Variants in NUP93 observed in about 807,000 individuals in gnomAD.
The protein encoded by NUP93 is nucleoporin 93.
Under a neutral mutation model 107.8 loss-of-function variants are expected in NUP93, and 55 were observed. The ratio of observed to expected loss-of-function variants is 0.51; its 90% confidence interval spans 0.41 to 0.64. The LOEUF is 0.64. NUP93 is among the 30% of genes least tolerant of loss of function. NUP93 has a pLI of 0.00. For missense variants in NUP93, 937 were observed against 1,044.7 expected (o/e 0.90, Z 1.42); for synonymous variants, 390 against 397.5 (o/e 0.98, Z 0.22).
chr16:56,769,431 T>G (rs770128389), intron 3 of NUP93, among the ~76,000 whole-genome samples: 47 of 152,160 alleles, frequency 3.1e-4, no homozygotes, highest in Non-Finnish European at 5.0e-4. Context: ...TGGGAGGTGG[T>G]GGTTGAGGGG....
At chr16:56,812,894 C>G (rs1274936946) in intron 5 of NUP93, among the ~76,000 whole-genome samples, 1 of 152,162 alleles carries the variant, frequency 6.6e-6, no homozygotes, top group East Asian at 1.9e-4. Context: ...AAGAACTTCC[C>G]TATTGAGGCT....
At position 56,818,658 on chromosome 16, in the gene NUP93, C is replaced by T. The variant is rs2144604223; in HGVS notation, c.490-6C>T. On this transcript the variant is annotated splice_region_variant and splice_polypyrimidine_tract_variant and intron_variant, in intron 5 of 21. Transcript: ENST00000308159. ...TAACTGATTCTGAATGTGTATTTAT[C>T]CACAGCCAAGCTACATCAGTGATGT... is the stretch of plus-strand genomic sequence containing the variant. 1.2e-6 allele frequency: 2 copies of T among 1,612,570 alleles called. No homozygotes were observed. The highest frequency in any genetic ancestry group is 8.5e-7 in the Non-Finnish European group (1 of 1,178,724).
chr16:56,744,990 A>G (rs1243580351), intron 1 of NUP93, among the ~76,000 whole-genome samples: 10 of 152,198 alleles, frequency 6.6e-5, no homozygotes, highest in African/African-American at 2.2e-4. Context: ...AGTACCTGCT[A>G]TGTGCCAGGC....
rs1273133214 is a variant in NUP93, at chr16:56,808,187, G to T, written c.489+2555G>T. Among the ~76,000 whole-genome samples the T allele has an allele frequency of 3.4e-5, 4 of 116,896 alleles. 1 individual carries two copies. Among genetic ancestry groups the T allele is most frequent in the Non-Finnish European group, 6.8e-5 (4 of 58,942 alleles). The allele number at this position is 116,896 out of a possible 152,430, so 76.7% of individuals were successfully genotyped here. On this transcript the variant is annotated intron_variant, in intron 5 of 21. Transcript: ENST00000308159. ...GTTATATAACTATATAAAATATATA[G>T]TTATATAACTATATAAAATATATAG...
intron 5 of NUP93, among the ~76,000 whole-genome samples, chr16:56,805,869 G>A (rs1963126880): frequency 6.6e-6 from 1 of 151,898 alleles, no homozygotes; most frequent in African/African-American, 2.4e-5. Flanking sequence ...AGGTTTGAGT[G>A]TCCCAGGGCT....
Position 56,831,209 on chromosome 16 carries a change from C to T in NUP93, c.1085+524C>T, listed in dbSNP as rs192584785. Among the ~76,000 whole-genome samples the T allele has an allele frequency of 1.2e-3, 186 of 152,240 alleles. 1 individual carries two copies. Among genetic ancestry groups the T allele is most frequent in the Non-Finnish European group, 2.3e-3 (156 of 68,026 alleles). ...AAGCATTAATTTTCCTTGGATTTTG[C>T]TAATGTAATTGGACTTAAGCTCATA... is the stretch of plus-strand genomic sequence containing the variant. On this transcript the variant is annotated intron_variant, in intron 10 of 21. Transcript: ENST00000308159.
intron 8 of NUP93, among the ~76,000 whole-genome samples, chr16:56,824,858 G>A (rs947629100): frequency 7.2e-5 from 11 of 152,098 alleles, no homozygotes; most frequent in Non-Finnish European, 1.2e-4. Flanking sequence ...AAAATCTGGA[G>A]CTCAAAATGG....
intron 11 of NUP93, 106 bp from the exon 12 acceptor site, chr16:56,832,189 G>C: frequency 1.6e-6 from 2 of 1,253,212 alleles, no homozygotes; most frequent in Admixed American, 1.8e-5. Flanking sequence ...CTTAAACACA[G>C]CTTCTAGCTG....
At chr16:56,772,194 A>G (rs1212718962) in intron 3 of NUP93, among the ~76,000 whole-genome samples, 1 of 152,174 alleles carries the variant, frequency 6.6e-6, no homozygotes, top group African/African-American at 2.4e-5. Flanking sequence ...TGAGGGCAGA[A>G]AAAGGATAAA....
At chr16:56,837,004 G>A (rs16962710) in intron 17 of NUP93, among the ~76,000 whole-genome samples, 1 of 152,228 alleles carries the variant, frequency 6.6e-6, no homozygotes, top group South Asian at 2.1e-4. Flanking sequence ...CATTTCGATG[G>A]TGAAGCCACT....
chr16:56,844,848 G>A lies in NUP93; in HGVS notation c.*239G>A, dbSNP rs1368152357. Reference sequence around the variant, plus strand: ...TTTTATTTGTGTAATGGGAAATACCGTCACTAGCTCTTGGGCCAGGGAATG... The same window carrying A: ...TTTTATTTGTGTAATGGGAAATACCATCACTAGCTCTTGGGCCAGGGAATG... On this transcript the variant is annotated 3_prime_UTR_variant, in exon 22 of 22. Coordinates refer to ENST00000308159, the MANE Select transcript of NUP93 (RefSeq NM_014669.5). 5.0e-6 allele frequency: 2 copies of A among 401,306 alleles called. No homozygotes were observed. Among genetic ancestry groups the A allele is most frequent in the Middle Eastern group, 6.2e-4 (1 of 1,620 alleles). 24.9% of individuals were successfully genotyped at this position (401,306 alleles called of 1,614,324 possible).
At chr16:56,747,774 A>G (rs2144455437) in intron 1 of NUP93, 1 of 152,966 alleles carries the variant, frequency 6.5e-6, no homozygotes, top group Admixed American at 6.5e-5. Flanking sequence ...CAGAGTGGTT[A>G]TGAGGGTCAT....
intron 15 of NUP93, 70 bp downstream of exon 15, chr16:56,834,512 C>A: frequency 6.7e-7 from 1 of 1,489,446 alleles, no homozygotes. Context: ...TTCCGTATTG[C>A]GTGTTTACTT....
At chr16:56,760,714 C>T (rs370895711) in intron 3 of NUP93, among the ~76,000 whole-genome samples, 1 of 152,142 alleles carries the variant, frequency 6.6e-6, no homozygotes, top group Non-Finnish European at 1.5e-5. Context: ...GCCCCACCCC[C>T]AACACTGGGG....
chr16:56,823,512 G>A (rs1464711045), intron 7 of NUP93, among the ~76,000 whole-genome samples, 195 bp from the exon 8 acceptor site: 1 of 152,104 alleles, frequency 6.6e-6, no homozygotes, highest in Non-Finnish European at 1.5e-5. Context: ...GGTGCTCATC[G>A]GTGGATGGAA....
chr16:56,746,486 C>T (rs552474053), intron 1 of NUP93, among the ~76,000 whole-genome samples: 10 of 152,274 alleles, frequency 6.6e-5, no homozygotes, highest in South Asian at 2.1e-4. Context: ...TTATTGTGTA[C>T]GTGAATTTTT....
intron 3 of NUP93, among the ~76,000 whole-genome samples, chr16:56,765,113 C>T (rs1400009667): frequency 6.6e-6 from 1 of 152,168 alleles, no homozygotes; most frequent in Non-Finnish European, 1.5e-5. Flanking sequence ...TGAGTAGGCT[C>T]TTCTGCACAA....
rs199678770 is a variant in NUP93, at chr16:56,836,715, A to C, written c.1897A>C (p.Lys633Gln). Residue 633 changes from lysine (K) to glutamine (Q), a missense_variant and splice_region_variant, in exon 17 of 22, where the codon AAG becomes CAG. Physicochemically the swap from Lys to Gln is moderately conservative, Grantham distance 53. Coordinates refer to ENST00000308159, the MANE Select transcript of NUP93 (RefSeq NM_014669.5). ...GGCAGCAAAGCTGTATGACCTTGCC[A>C]AGGTAAAGTGTGCCCACTTCCTTCT... The part of the protein sequence containing the change: ...EEAAKLYDLA[K>Q]NADKVLELMN... 5.2e-4 allele frequency: 830 copies of C among 1,603,874 alleles called. 17 individuals carry two copies. In the East Asian group the frequency reaches 0.017, roughly 34 times the overall value.
chr16:56,816,512 A>G (rs1225889101), intron 5 of NUP93, among the ~76,000 whole-genome samples: 1 of 152,202 alleles, frequency 6.6e-6, no homozygotes, highest in African/African-American at 2.4e-5. Flanking sequence ...TAGGTTCACA[A>G]GATGGCTGCA....
Sources: allele counts gnomAD v4.1 joint callset (sites outside exome capture counted in the v4.1 genomes callset), GRCh38; gene constraint gnomAD v4.1.1; transcripts MANE v1.5; gene names NCBI Gene and HGNC (gene_info 2026-07-23, HGNC 2026-07-21).